PATJ: variants seen among roughly 807,000 people sequenced by gnomAD.
The protein encoded by PATJ is PATJ crumbs cell polarity complex component.
Under a neutral mutation model 224.9 loss-of-function variants are expected in PATJ, and 190 were observed. The observed-to-expected ratio is 0.84, with a 90% CI of 0.75 to 0.95. PATJ has a LOEUF of 0.95. PATJ is among the 40% of genes least tolerant of loss of function. The probability of loss-of-function intolerance (pLI) is 0.00; values close to 1 mark genes in which losing one functional copy is unlikely to be tolerated. For missense variants in PATJ, 2,121 were observed against 2,270.3 expected, an observed-to-expected ratio of 0.93 and a Z score of 1.34; for synonymous variants, 769 against 820.3, an observed-to-expected ratio of 0.94 and a Z score of 1.07.
At chr1:62,112,770 C>T (rs1055779848) in intron 34 of PATJ, among the ~76,000 whole-genome samples, 12 of 152,218 alleles carry the variant, frequency 7.9e-5, no homozygotes, top group Admixed American at 4.6e-4. Context: ...GGTTACTCTG[C>T]TCCTCGATTT....
chr1:62,108,035 C>T lies in PATJ; in HGVS notation c.4378-402C>T, dbSNP rs530801029. 2.5e-4 allele frequency among the ~76,000 whole-genome samples: 38 copies of T among 152,288 alleles called. 1 individual carries two copies. The highest frequency in any genetic ancestry group is 8.9e-4 in the African/African-American group (37 of 41,560). On this transcript the variant is annotated intron_variant, in intron 33 of 43. Transcript: ENST00000642238. Reference sequence around the variant, plus strand: ...TCATTGCCCAAGTAATAAGGCCTGGCAAAACCTCCTTCATCAGGCCACACA... The same window carrying T: ...TCATTGCCCAAGTAATAAGGCCTGGTAAAACCTCCTTCATCAGGCCACACA...
intron 30 of PATJ, among the ~76,000 whole-genome samples, chr1:62,048,284 C>CG (rs1652905855): frequency 6.6e-6 from 1 of 151,998 alleles, no homozygotes; most frequent in Admixed American, 6.6e-5. Flanking sequence ...TGGTGGCTCA[C>CG]ACTGTAATCC....
intron 39 of PATJ, among the ~76,000 whole-genome samples, chr1:62,123,586 T>C (rs1446525781): frequency 6.9e-6 from 1 of 145,832 alleles, no homozygotes; most frequent in Non-Finnish European, 1.5e-5. Context: ...CATGCCATTC[T>C]CCTGCCTCAG....
chr1:62,004,959 T>G (rs957042186), intron 28 of PATJ, among the ~76,000 whole-genome samples: 1 of 152,208 alleles, frequency 6.6e-6, no homozygotes, highest in Admixed American at 6.5e-5. Flanking sequence ...GTGTTTTCTT[T>G]CTATGACAAT....
intron 27 of PATJ, among the ~76,000 whole-genome samples, chr1:61,943,582 C>T (rs956636584): frequency 2.0e-5 from 3 of 152,124 alleles, no homozygotes; most frequent in African/African-American, 4.8e-5. Flanking sequence ...AATGAAGCCG[C>T]CGGGAAGCTG....
intron 20 of PATJ, among the ~76,000 whole-genome samples, chr1:61,866,696 G>A (rs1049504745): frequency 2.0e-5 from 3 of 152,086 alleles, no homozygotes; most frequent in Non-Finnish European, 2.9e-5. Context: ...ACCGGAAAGA[G>A]GTCCTGATCC....
chr1:61,975,038 G>C (rs182812293), intron 27 of PATJ, among the ~76,000 whole-genome samples: 2 of 152,092 alleles, frequency 1.3e-5, no homozygotes, highest in East Asian at 1.9e-4. Context: ...TTGACCTCTT[G>C]GGTTCAGGCA....
intron 40 of PATJ, 148 bp from the exon 41 acceptor site, chr1:62,128,693 T>C (rs1665970348): frequency 3.5e-6 from 2 of 568,202 alleles, no homozygotes; most frequent in Non-Finnish European, 6.3e-6. Context: ...AAATTCCTCA[T>C]GCTTCTTGAA....
At chr1:61,806,983 A>G (rs973695939) in intron 13 of PATJ, among the ~76,000 whole-genome samples, 17 of 151,738 alleles carry the variant, frequency 1.1e-4, no homozygotes, top group African/African-American at 3.9e-4. Flanking sequence ...GAAACCTTGT[A>G]TCTACTAAAA....
At chr1:62,063,218 C>T (rs1655850792) in intron 31 of PATJ, among the ~76,000 whole-genome samples, 1 of 152,188 alleles carries the variant, frequency 6.6e-6, no homozygotes, top group South Asian at 2.1e-4. Context: ...AATTCTTCTG[C>T]AAATGGATAG....
chr1:61,819,066 T>C (rs1033866827), intron 14 of PATJ, among the ~76,000 whole-genome samples: 3 of 152,192 alleles, frequency 2.0e-5, no homozygotes, highest in African/African-American at 7.2e-5. Flanking sequence ...TTAGCAATTA[T>C]CCTTTTTGCT....
intron 22 of PATJ, among the ~76,000 whole-genome samples, chr1:61,894,259 AAAAAAAAAAACAC>A (rs1670019605): frequency 1.4e-5 from 2 of 141,128 alleles, no homozygotes; most frequent in Non-Finnish European, 3.0e-5. Flanking sequence ...TATCTCATAA[AAAAAAAAAAACAC>A]AAAAAAAAAA....
At chr1:62,128,764 G>A (rs369493867) in intron 40 of PATJ, 77 bp from the exon 41 acceptor site, 24 of 1,016,728 alleles carry the variant, frequency 2.4e-5, no homozygotes, top group African/African-American at 1.6e-4. Context: ...AATAGGACTC[G>A]CAAAGAATTT....
At chr1:61,842,845 T>C (rs149919335) in intron 17 of PATJ, among the ~76,000 whole-genome samples, 2 of 152,222 alleles carry the variant, frequency 1.3e-5, no homozygotes, top group African/African-American at 4.8e-5. Flanking sequence ...CTTCTACCTG[T>C]AGCAATGGAT....
intron 29 of PATJ, among the ~76,000 whole-genome samples, chr1:62,035,244 T>G (rs1378995063): frequency 6.6e-6 from 1 of 152,232 alleles, no homozygotes; most frequent in Non-Finnish European, 1.5e-5. Flanking sequence ...TGAAATGCAG[T>G]CAGAAAAAAC....
At position 62,086,542 on chromosome 1, in the gene PATJ, TAAAAC is replaced by T. The variant is rs1189353939; in HGVS notation, c.4377+1898_4377+1902del. On this transcript the variant is annotated intron_variant, in intron 33 of 43. Transcript: ENST00000642238. This position sits in a 1 kb window ranked among gnomAD's most constrained non-coding sequence, Gnocchi z 4.0. The stretch of plus-strand genomic sequence containing the variant: ...TAAGCAATAAATTGTACATGCCAGA[TAAAAC>T]AAACATATCAGGGTCTATAAAACTA... Among the ~76,000 whole-genome samples the T allele has an allele frequency of 6.6e-6, 1 of 152,172 alleles. No homozygotes were observed. Among genetic ancestry groups the T allele is most frequent in the African/African-American group, 2.4e-5 (1 of 41,452 alleles).
intron 3 of PATJ, among the ~76,000 whole-genome samples, chr1:61,765,257 T>C (rs1317636429): frequency 6.6e-6 from 1 of 151,622 alleles, no homozygotes; most frequent in East Asian, 1.9e-4. Flanking sequence ...GTATTTTTTG[T>C]TGAGACAAGA....
intron 16 of PATJ, among the ~76,000 whole-genome samples, chr1:61,828,243 C>CA (rs1269784220): frequency 0.016 from 1,471 of 89,912 alleles, 9 homozygotes; most frequent in East Asian, 0.018. Flanking sequence ...AACTCCATCT[C>CA]AAAAAAAAAA....
At chr1:61,792,099 A>C (rs1649998341) in intron 9 of PATJ, among the ~76,000 whole-genome samples, 1 of 152,194 alleles carries the variant, frequency 6.6e-6, no homozygotes, top group Admixed American at 6.5e-5. Flanking sequence ...ATTTTTTTTA[A>C]GAGCAAGATT....
Sources: allele counts gnomAD v4.1 joint callset (sites outside exome capture counted in the v4.1 genomes callset), GRCh38; gene constraint gnomAD v4.1.1; non-coding constraint Gnocchi (gnomAD v3.1); transcripts MANE v1.5; gene names NCBI Gene and HGNC (gene_info 2026-07-23, HGNC 2026-07-21).